Variants in BCKDHB observed in about 807,000 individuals in gnomAD.
The protein encoded by BCKDHB is branched chain keto acid dehydrogenase E1 subunit beta.
BCKDHB carries 41 observed loss-of-function variants against 48.5 expected under a neutral mutation model. That is an observed-to-expected ratio of 0.85 (90% CI 0.66 to 1.10). BCKDHB has a LOEUF of 1.10. Ranked by LOEUF, BCKDHB falls within the 50% of genes least tolerant of loss-of-function variation. The pLI is 0.00. For missense variants in BCKDHB, 496 were observed against 494.2 expected, an observed-to-expected ratio of 1.00 and a Z score of -0.03; for synonymous variants, 201 against 174.8, an observed-to-expected ratio of 1.15 and a Z score of -1.18.
chr6:80,410,034 C>T, the BCKDHB span, among the ~76,000 whole-genome samples: 1 of 152,090 alleles, frequency 6.6e-6, no homozygotes, highest in Non-Finnish European at 1.5e-5. Context: ...GCAGTTTCTT[C>T]CTAGCATCAA....
chr6:80,257,327 G>GTA (rs1292835567), intron 8 of BCKDHB, among the ~76,000 whole-genome samples: 1 of 141,408 alleles, frequency 7.1e-6, no homozygotes, highest in Non-Finnish European at 1.6e-5. Flanking sequence ...TGCTATGTGT[G>GTA]TATATGTATC....
chr6:80,462,358 A>G, the BCKDHB span, among the ~76,000 whole-genome samples: 1 of 152,176 alleles, frequency 6.6e-6, no homozygotes, highest in Admixed American at 6.5e-5. Context: ...CTCAACAGAT[A>G]TGTTTTAGAA....
At chr6:80,286,269 A>C (rs1025229332) in intron 9 of BCKDHB, among the ~76,000 whole-genome samples, 5 of 152,210 alleles carry the variant, frequency 3.3e-5, no homozygotes, top group African/African-American at 1.2e-4. Flanking sequence ...ATTTCTCCTT[A>C]GAGTAAACCC....
Position 80,288,703 on chromosome 6 carries a change from G to C in BCKDHB, c.1038+15482G>C, listed in dbSNP as rs950582280. Among the ~76,000 whole-genome samples, 7 of 152,024 alleles carry C rather than the reference G, an allele frequency of 4.6e-5. 1 individual carries two copies. In the South Asian group the frequency reaches 1.2e-3, roughly 27 times the overall value. ...CTAAGCCGACTGTACTTTGTCTTAA[G>C]GTTTTTAAACTAACTTGTATTATAA... On this transcript the variant is annotated intron_variant, in intron 9 of 9. Coordinates refer to ENST00000320393, the MANE Select transcript of BCKDHB (RefSeq NM_183050.4).
the BCKDHB span, among the ~76,000 whole-genome samples, chr6:80,394,312 T>C: frequency 2.6e-5 from 4 of 152,186 alleles, no homozygotes; most frequent in Non-Finnish European, 5.9e-5. Context: ...GAGTTTTAAA[T>C]TTATTTTATC....
chr6:80,418,009 T>C, the BCKDHB span, among the ~76,000 whole-genome samples: 1 of 152,190 alleles, frequency 6.6e-6, no homozygotes, highest in African/African-American at 2.4e-5. Flanking sequence ...ATCCCATATA[T>C]CTTGGAGGTT....
At chr6:80,147,035 A>T (rs1771521532) in intron 3 of BCKDHB, among the ~76,000 whole-genome samples, 1 of 152,144 alleles carries the variant, frequency 6.6e-6, no homozygotes, top group Admixed American at 6.6e-5. Flanking sequence ...AATAATATTG[A>T]TAATGATATT....
At chr6:80,277,578 T>C (rs750592202) in intron 9 of BCKDHB, among the ~76,000 whole-genome samples, 20 of 152,010 alleles carry the variant, frequency 1.3e-4, no homozygotes, top group Non-Finnish European at 2.4e-4. Context: ...TTTAAAGTTA[T>C]TGTTTATTTC....
At chr6:80,289,506 G>A (rs575144839) in intron 9 of BCKDHB, among the ~76,000 whole-genome samples, 74 of 152,144 alleles carry the variant, frequency 4.9e-4, no homozygotes, top group African/African-American at 1.5e-3. Context: ...GCAGATCTTC[G>A]GAGAGAAAAT....
intron 1 of BCKDHB, among the ~76,000 whole-genome samples, chr6:80,122,618 A>T (rs1770091123): frequency 6.6e-6 from 1 of 152,272 alleles, no homozygotes; most frequent in Admixed American, 6.5e-5. Flanking sequence ...AAGGGTTTCA[A>T]AATTGGAGGG....
At chr6:80,217,931 T>G (rs142767614) in intron 8 of BCKDHB, among the ~76,000 whole-genome samples, 1 of 152,090 alleles carries the variant, frequency 6.6e-6, no homozygotes, top group African/African-American at 2.4e-5. Context: ...TGCATCAAAG[T>G]TGGGGAGAAA....
In BCKDHB at chr6:80,229,155, A is replaced by G. The variant is rs571971423; in HGVS notation, c.951+25943A>G. Among the ~76,000 whole-genome samples, 8 of 152,330 alleles carry G rather than the reference A, an allele frequency of 5.3e-5. No individual in the cohort carries two copies. In the South Asian group the frequency reaches 1.7e-3, roughly 32 times the overall value. On this transcript the variant is annotated intron_variant, in intron 8 of 9. Transcript: ENST00000320393. ...GAGAACAAAGTAAACAGAGTAGAAA[A>G]TATTTTGCCCTCTTGGAGCTTAGAC...
intron 3 of BCKDHB, among the ~76,000 whole-genome samples, chr6:80,130,050 C>T (rs777913693): frequency 1.3e-5 from 2 of 152,130 alleles, no homozygotes; most frequent in Non-Finnish European, 2.9e-5. Context: ...TTGATTTCTG[C>T]CCATTGCTTT....
At chr6:80,382,381 G>T in the BCKDHB span, among the ~76,000 whole-genome samples, 1 of 152,112 alleles carries the variant, frequency 6.6e-6, no homozygotes, top group African/African-American at 2.4e-5. Context: ...GATTCTAATT[G>T]TATGGAGCCA....
chr6:80,374,601 A>G, the BCKDHB span: 4 of 599,634 alleles, frequency 6.7e-6, no homozygotes, highest in Admixed American at 2.5e-5. Flanking sequence ...ACTTAGGAAA[A>G]GAGCCATTCT....
chr6:80,106,687 AGCGGGGATG>A lies in BCKDHB; in HGVS notation c.-2_7del. 1 of 1,552,810 alleles carries A rather than the reference AGCGGGGATG, an allele frequency of 6.4e-7. No individual in the cohort carries two copies. Among genetic ancestry groups the A allele is most frequent in the Non-Finnish European group, 8.7e-7 (1 of 1,148,916 alleles). ...GCATAGCCTGAGAATCCCGGTGGTG[AGCGGGGATG>A]GCGGTTGTAGCGGCGGCTGCCGGCT... On this transcript the variant is annotated start_lost and 5_prime_UTR_variant, in exon 1 of 10. Coordinates refer to ENST00000320393, the MANE Select transcript of BCKDHB (RefSeq NM_183050.4).
At chr6:80,168,749 A>T in intron 4 of BCKDHB, 126 bp from the exon 5 acceptor site, 1 of 1,029,600 alleles carries the variant, frequency 9.7e-7, no homozygotes, top group Non-Finnish European at 1.4e-6. Context: ...GGAGGCAGGG[A>T]GGGAGGGAAA....
chr6:80,198,392 AATT>A (rs1352321047), intron 6 of BCKDHB, among the ~76,000 whole-genome samples: 1 of 152,184 alleles, frequency 6.6e-6, no homozygotes, highest in Non-Finnish European at 1.5e-5. Flanking sequence ...TTGTTAGCTT[AATT>A]ATTGTCTATT....
rs1351662117 is a variant in BCKDHB, at chr6:80,200,783, C to A, written c.743-151C>A. ...GTGCAGTAATGTCATGGAGCCATATCATAAATGCTATTTCTGTTTTAAGTA... is the reference window on the plus strand; with the variant it reads ...GTGCAGTAATGTCATGGAGCCATATAATAAATGCTATTTCTGTTTTAAGTA... On this transcript the variant is annotated intron_variant, in intron 6 of 9. Coordinates refer to ENST00000320393, the MANE Select transcript of BCKDHB (RefSeq NM_183050.4). The A allele has an allele frequency of 1.7e-5, 11 of 647,778 alleles. No homozygotes were observed. The African/African-American group carries it at 2.0e-4, about 12-fold the overall frequency. 40.1% of individuals were successfully genotyped at this position (647,778 alleles called of 1,614,324 possible).
Sources: gnomAD v4.1 joint callset for allele counts (sites outside exome capture counted in the v4.1 genomes callset) on GRCh38, gnomAD v4.1.1 for gene constraint, MANE v1.5 for transcripts, NCBI Gene and HGNC (gene_info 2026-07-23, HGNC 2026-07-21) for gene names.